The following KAZN variants were observed in gnomAD, a reference collection of about 807,000 sequenced individuals.
KAZN encodes the protein kazrin.
KAZN carries 40 observed loss-of-function variants against 87.4 expected under a neutral mutation model. The observed-to-expected ratio is 0.46, with a 90% CI of 0.36 to 0.60. The LOEUF is 0.60. Among genes scored for constraint, KAZN ranks in the 20% least tolerant of loss-of-function variants. The pLI is 0.00. For synonymous variants in KAZN, 466 were observed against 458.3 expected, an observed-to-expected ratio of 1.02 and a Z score of -0.22; for missense variants, 898 against 1,073.9, an observed-to-expected ratio of 0.84 and a Z score of 2.29.
intron 1 of KAZN, among the ~76,000 whole-genome samples, chr1:14,935,619 C>T (rs772701038): frequency 6.6e-6 from 1 of 152,188 alleles, no homozygotes; most frequent in Admixed American, 6.5e-5. Flanking sequence ...CTGAAAGCAG[C>T]CACTGAGCAA....
At position 14,514,916 on chromosome 1, in the gene KAZN, G is replaced by A. The variant is rs189469731; in HGVS notation, c.250-84067G>A. 3.0e-3 allele frequency among the ~76,000 whole-genome samples: 459 copies of A among 152,192 alleles called. 1 individual carries two copies. Among genetic ancestry groups the A allele is most frequent in the Non-Finnish European group, 5.1e-3 (349 of 68,026 alleles). On this transcript the variant is annotated intron_variant, in intron 2 of 16. Coordinates refer to the KAZN transcript ENST00000636203. ...ATATGCTAAAGACCTAGCAAAGTCC[G>A]TGGCTCACAGTGTGAGCTAAAGAAA...
intron 2 of KAZN, among the ~76,000 whole-genome samples, chr1:14,985,000 G>C (rs10803332): frequency 0.12 from 18,098 of 152,066 alleles, 1,283 homozygotes; most frequent in South Asian, 0.24. Context: ...GCCAGGCGTG[G>C]TGGTGCTCAC....
chr1:14,929,562 A>G (rs1373680251), intron 1 of KAZN, among the ~76,000 whole-genome samples: 1 of 152,212 alleles, frequency 6.6e-6, no homozygotes, highest in Non-Finnish European at 1.5e-5. Flanking sequence ...ATGGAACGTC[A>G]GCACATTTGC....
chr1:13,977,611 T>C (rs1287010178), intron 1 of KAZN, among the ~76,000 whole-genome samples: 1 of 152,192 alleles, frequency 6.6e-6, no homozygotes, highest in Admixed American at 6.5e-5. Context: ...TTTCTTCTGG[T>C]TTCTCTTTGC....
intron 2 of KAZN, among the ~76,000 whole-genome samples, chr1:14,429,326 C>T (rs1019412150): frequency 3.6e-4 from 55 of 152,290 alleles, no homozygotes; most frequent in African/African-American, 1.2e-3. Context: ...ATTCACACAC[C>T]GTGGCTAAGT....
Position 14,146,877 on chromosome 1 carries a change from T to C in KAZN, c.92-33558T>C, listed in dbSNP as rs150959241. Among the ~76,000 whole-genome samples the C allele has an allele frequency of 8.3e-3, 1,260 of 152,234 alleles. 17 individuals are homozygous for C. The highest frequency in any genetic ancestry group is 0.028 in the African/African-American group (1,178 of 41,544). ...AGTGAGGATGTTATGGGAGATATGG[T>C]TGATCCTTGAACAACATAGGTTGGA... On this transcript the variant is annotated intron_variant, in intron 1 of 16. Coordinates refer to the KAZN transcript ENST00000636203.
At chr1:14,271,549 T>G (rs1389660123) in intron 2 of KAZN, among the ~76,000 whole-genome samples, 1 of 152,244 alleles carries the variant, frequency 6.6e-6, no homozygotes, top group Non-Finnish European at 1.5e-5. Flanking sequence ...TTCTCAGGAC[T>G]GGAAATATAA....
chr1:13,949,063 C>T (rs1306107204), intron 1 of KAZN, among the ~76,000 whole-genome samples: 2 of 152,168 alleles, frequency 1.3e-5, no homozygotes, highest in African/African-American at 4.8e-5. Context: ...AAACAGAACT[C>T]AAACCCAGGT....
At chr1:14,997,796 T>A (rs12041862) in intron 2 of KAZN, among the ~76,000 whole-genome samples, 50,962 of 151,942 alleles carry the variant, frequency 0.34, 10,420 homozygotes, top group African/African-American at 0.57. Context: ...CACTGGGGCC[T>A]CACAGAGCAA....
intron 2 of KAZN, among the ~76,000 whole-genome samples, chr1:14,984,467 CA>C: frequency 6.6e-6 from 1 of 152,256 alleles, no homozygotes; most frequent in East Asian, 1.9e-4. Context: ...AGGGCCTTCT[CA>C]TATGGAATGG....
At chr1:14,682,609 G>A (rs1030041448) in intron 1 of KAZN, among the ~76,000 whole-genome samples, 3 of 151,934 alleles carry the variant, frequency 2.0e-5, no homozygotes, top group Non-Finnish European at 2.9e-5. Flanking sequence ...CTTTTTTAAG[G>A]CAGAGTAATA....
At chr1:14,467,477 C>A (rs563421916) in intron 2 of KAZN, among the ~76,000 whole-genome samples, 11 of 151,856 alleles carry the variant, frequency 7.2e-5, no homozygotes, top group African/African-American at 2.4e-4. Flanking sequence ...TCAATTATAT[C>A]CTATCAGTCA....
At chr1:14,414,118 A>G (rs1268200035) in intron 2 of KAZN, among the ~76,000 whole-genome samples, 2 of 152,174 alleles carry the variant, frequency 1.3e-5, no homozygotes, top group African/African-American at 4.8e-5. Flanking sequence ...AAATGACAAC[A>G]TCAAGAGTTG....
chr1:14,682,704 A>C (rs1212991350), intron 1 of KAZN, among the ~76,000 whole-genome samples: 3 of 152,232 alleles, frequency 2.0e-5, no homozygotes, highest in Non-Finnish European at 4.4e-5. Flanking sequence ...GAGTTTTTAA[A>C]GGAACGTGGA....
chr1:14,019,408 C>A (rs1484211091), intron 1 of KAZN, among the ~76,000 whole-genome samples: 1 of 152,180 alleles, frequency 6.6e-6, no homozygotes, highest in African/African-American at 2.4e-5. Flanking sequence ...CCGAGTACAG[C>A]ATATTTGGCA....
At chr1:14,137,883 T>C (rs1211198746) in intron 1 of KAZN, among the ~76,000 whole-genome samples, 1 of 152,012 alleles carries the variant, frequency 6.6e-6, no homozygotes, top group Non-Finnish European at 1.5e-5. Flanking sequence ...CAGCCCATTC[T>C]ATCTTTGATT....
rs575665939 is a variant in KAZN at position 14,820,053 on chromosome 1, A to G, written c.227-140631A>G. Among the ~76,000 whole-genome samples the G allele has an allele frequency of 1.9e-3, 296 of 152,128 alleles. 1 individual carries two copies. Among genetic ancestry groups the G allele is most frequent in the Non-Finnish European group, 3.7e-3 (249 of 67,996 alleles). On this transcript the variant is annotated intron_variant, in intron 1 of 14. Transcript: ENST00000376030. This position sits in a 1 kb window ranked among gnomAD's most constrained non-coding sequence, Gnocchi z 4.1. The stretch of plus-strand genomic sequence containing the variant: ...ATATATATAGTCCACCCTCACCTCT[A>G]TCTAATCTAGTGGTTCTCCAACTTT...
intron 1 of KAZN, among the ~76,000 whole-genome samples, chr1:14,814,818 G>A (rs1646517173): frequency 6.6e-6 from 1 of 152,218 alleles, no homozygotes; most frequent in African/African-American, 2.4e-5. Flanking sequence ...TTCAAGGAAA[G>A]TTTCCTTAGT....
intron 2 of KAZN, among the ~76,000 whole-genome samples, chr1:14,537,933 A>G (rs567089511): frequency 1.3e-5 from 2 of 152,306 alleles, no homozygotes; most frequent in African/African-American, 2.4e-5. Context: ...CAAATAATAA[A>G]TAATAAATGG....
Sources: allele counts gnomAD v4.1 joint callset (sites outside exome capture counted in the v4.1 genomes callset), GRCh38; gene constraint gnomAD v4.1.1; non-coding constraint Gnocchi (gnomAD v3.1); transcripts MANE v1.5; gene names NCBI Gene and HGNC (gene_info 2026-07-23, HGNC 2026-07-21).